The following RXRA variants were observed in gnomAD, a reference collection of about 807,000 sequenced individuals.
RXRA encodes the protein retinoic acid receptor RXR-alpha.
Under a neutral mutation model 44.5 loss-of-function variants are expected in RXRA, and 5 were observed. The ratio of observed to expected loss-of-function variants is 0.11; its 90% CI spans 0.06 to 0.24. RXRA has a LOEUF of 0.24. Ranked by LOEUF, RXRA falls within the 10% of genes least tolerant of loss-of-function variation. The pLI is 1.00. For synonymous variants in RXRA, 291 were observed against 271.4 expected (o/e 1.07, Z -0.71); for missense variants, 412 against 646.5 (o/e 0.64, Z 3.93).
intron 1 of RXRA, among the ~76,000 whole-genome samples, chr9:134,388,941 A>T (rs370806437): frequency 4.0e-4 from 61 of 152,134 alleles, no homozygotes; most frequent in African/African-American, 1.3e-3. Context: ...CCTGGAAGAC[A>T]CATTTCTGGC....
At chr9:134,333,874 C>T (rs538750211) in intron 1 of RXRA, among the ~76,000 whole-genome samples, 3 of 152,288 alleles carry the variant, frequency 2.0e-5, no homozygotes, top group African/African-American at 2.4e-5. Context: ...GTGCCTCTGC[C>T]GGGACTCCCG....
intron 8 of RXRA, among the ~76,000 whole-genome samples, chr9:134,432,744 A>G (rs1386082937): frequency 1.3e-5 from 2 of 152,066 alleles, no homozygotes; most frequent in Non-Finnish European, 2.9e-5. Context: ...GGGCAGGAGC[A>G]CGGTTGGTCG....
At position 134,399,787 on chromosome 9, in the gene RXRA, G is replaced by A. The variant is rs34856743; in HGVS notation, c.29-1845G>A. 3.0e-3 allele frequency among the ~76,000 whole-genome samples: 450 copies of A among 152,370 alleles called. 3 individuals are homozygous for A. Among genetic ancestry groups the A allele is most frequent in the African/African-American group, 0.01 (428 of 41,582 alleles). On this transcript the variant is annotated intron_variant, in intron 1 of 9. Transcript: ENST00000481739. ...CATTTGCTGGTGGGGTCTGTACCCC[G>A]ACTGCGATGGGGCACTAGTGGCAGC... is the stretch of plus-strand genomic sequence containing the variant.
intron 1 of RXRA, among the ~76,000 whole-genome samples, chr9:134,346,226 GC>G (rs1830149549): frequency 6.6e-6 from 1 of 152,182 alleles, no homozygotes; most frequent in African/African-American, 2.4e-5. Context: ...TGGAGTCCCA[GC>G]CCGGGACCTG....
Position 134,433,440 on chromosome 9 carries a change from G to A in RXRA, c.1136-662G>A, listed in dbSNP as rs887451361. On this transcript the variant is annotated intron_variant, in intron 8 of 9. Coordinates refer to ENST00000481739, the MANE Select transcript of RXRA (RefSeq NM_002957.6). The surrounding 1 kb of genome is among the most constrained non-coding windows in gnomAD (Gnocchi z 4.2). ...GGGCGAGGAGACTGGCTGGAGCGGAGGCAGCTGGGGGAGCCAGGTACGTTG... is the reference window on the plus strand; with the variant it reads ...GGGCGAGGAGACTGGCTGGAGCGGAAGCAGCTGGGGGAGCCAGGTACGTTG... Among the ~76,000 whole-genome samples the A allele has an allele frequency of 1.3e-5, 2 of 152,184 alleles. No homozygotes were observed. Among genetic ancestry groups the A allele is most frequent in the Admixed American group, 6.5e-5 (1 of 15,288 alleles).
At chr9:134,422,003 C>G (rs1268186808) in intron 6 of RXRA, 198 bp downstream of exon 6, 1 of 1,466,796 alleles carries the variant, frequency 6.8e-7, no homozygotes, top group Admixed American at 2.2e-5. Flanking sequence ...GACACTCCCC[C>G]TTCCCGGAAC....
chr9:134,423,435 AG>A (rs1453256663), intron 6 of RXRA: 1 of 985,348 alleles, frequency 1.0e-6, no homozygotes, highest in Non-Finnish European at 1.2e-6. Context: ...GAGAAGACAC[AG>A]CCAGAGACGG....
At chr9:134,416,302 C>T (rs1253948071) in intron 4 of RXRA, among the ~76,000 whole-genome samples, 2 of 152,190 alleles carry the variant, frequency 1.3e-5, no homozygotes, top group South Asian at 4.1e-4. Flanking sequence ...GGGCTCATGC[C>T]TCAGGCCCCT....
intron 6 of RXRA, chr9:134,425,718 C>G: frequency 5.1e-6 from 5 of 985,304 alleles, no homozygotes; most frequent in Non-Finnish European, 6.0e-6. Flanking sequence ...CATCTCTGGC[C>G]CCAGAACACA....
chr9:134,401,744 G>T lies in RXRA; in HGVS notation c.141G>T (p.Leu47=), dbSNP rs1341738756. ...LGPGIGSPGQ[L]HSPISTLSSP... ...CTGGCATCGGCTCCCCGGGACAGCT[G>T]CATTCTCCCATCAGCACCCTGAGCT... Residue 47 remains leucine (L), a synonymous_variant, in exon 2 of 10, where the codon CTG becomes CTT. Transcript: ENST00000481739. 2 of 1,613,028 alleles carry T rather than the reference G, an allele frequency of 1.2e-6. No individual in the cohort carries two copies. Among genetic ancestry groups the T allele is most frequent in the Admixed American group, 3.3e-5 (2 of 59,994 alleles).
At chr9:134,357,335 G>C (rs1175040307) in intron 1 of RXRA, among the ~76,000 whole-genome samples, 7 of 152,204 alleles carry the variant, frequency 4.6e-5, no homozygotes, top group African/African-American at 1.2e-4. Context: ...CTCCCTGCAG[G>C]TTACTGGGAA....
At chr9:134,345,783 G>T (rs1426894998) in intron 1 of RXRA, among the ~76,000 whole-genome samples, 1 of 152,212 alleles carries the variant, frequency 6.6e-6, no homozygotes, top group Non-Finnish European at 1.5e-5. Flanking sequence ...GACGGGGAAG[G>T]TGAAAATAAT....
chr9:134,333,490 G>A (rs1363968859), intron 1 of RXRA, among the ~76,000 whole-genome samples: 2 of 152,136 alleles, frequency 1.3e-5, no homozygotes, highest in African/African-American at 4.8e-5. Context: ...CCGTGCGTGC[G>A]GGGTCTGGAG....
At chr9:134,427,349 T>TC (rs1831452203) in intron 6 of RXRA, among the ~76,000 whole-genome samples, 1 of 152,122 alleles carries the variant, frequency 6.6e-6, no homozygotes, top group African/African-American at 2.4e-5. Context: ...CGCAACGGGC[T>TC]GCCTGCTGCC....
intron 1 of RXRA, among the ~76,000 whole-genome samples, chr9:134,330,797 C>T (rs868944282): frequency 2.0e-5 from 3 of 152,340 alleles, no homozygotes; most frequent in Middle Eastern, 6.8e-3. Flanking sequence ...TGCTCTTTGG[C>T]CTCTTGGGGC....
intron 1 of RXRA, among the ~76,000 whole-genome samples, chr9:134,337,633 CAG>C (rs1465265022): frequency 2.6e-5 from 4 of 152,284 alleles, no homozygotes; most frequent in African/African-American, 9.6e-5. Context: ...CCCTGGCATG[CAG>C]AGAGTTGGGG....
chr9:134,419,193 C>T (rs190948732), intron 5 of RXRA, among the ~76,000 whole-genome samples: 1,655 of 152,314 alleles, frequency 0.011, 23 homozygotes, highest in Non-Finnish European at 0.014. Flanking sequence ...TCACCAGCCT[C>T]GCGGAGGGCA....
chr9:134,356,157 C>T (rs1830280995), intron 1 of RXRA, among the ~76,000 whole-genome samples: 1 of 152,126 alleles, frequency 6.6e-6, no homozygotes, highest in African/African-American at 2.4e-5. Flanking sequence ...CCAGGTGGAG[C>T]AGGGTGGGGC....
At chr9:134,405,313 C>G (rs942279520) in intron 2 of RXRA, 3 of 152,336 alleles carry the variant, frequency 2.0e-5, no homozygotes, top group Non-Finnish European at 4.4e-5. Flanking sequence ...GGCCTGCAGC[C>G]TGGATGGGCA....
Sources: allele counts gnomAD v4.1 joint callset (sites outside exome capture counted in the v4.1 genomes callset), GRCh38; gene constraint gnomAD v4.1.1; non-coding constraint Gnocchi (gnomAD v3.1); transcripts MANE v1.5; gene names NCBI Gene and HGNC (gene_info 2026-07-23, HGNC 2026-07-21).